Variants in FBXW11 observed in about 807,000 individuals in gnomAD.
The protein encoded by FBXW11 is F-box/WD repeat-containing protein 11.
In FBXW11, 19 loss-of-function variants were observed where a neutral mutation model predicts 77.6. The ratio of observed to expected loss-of-function variants is 0.24; its 90% CI spans 0.17 to 0.36. The LOEUF (loss-of-function observed/expected upper bound fraction) is 0.36. Among genes scored for constraint, FBXW11 ranks in the 10% least tolerant of loss-of-function variants. The pLI, the probability that FBXW11 is intolerant of heterozygous loss-of-function variation, is 1.00. For missense variants in FBXW11, 334 were observed against 704.2 expected, an observed-to-expected ratio of 0.47 and a Z score of 5.95; for synonymous variants, 235 against 249.4, an observed-to-expected ratio of 0.94 and a Z score of 0.54.
intron 4 of FBXW11, among the ~76,000 whole-genome samples, chr5:171,901,019 C>T (rs1226830145): frequency 1.3e-5 from 2 of 152,000 alleles, no homozygotes; most frequent in Admixed American, 6.5e-5. Context: ...TGTGTAGGGA[C>T]GAGAACACAG....
chr5:171,878,601 A>AGAGAGT (rs1758287222), intron 7 of FBXW11, among the ~76,000 whole-genome samples: 1 of 69,112 alleles, frequency 1.4e-5, no homozygotes, highest in Non-Finnish European at 3.6e-5. Context: ...TAAGAGAGAG[A>AGAGAGT]GAGTGTGTGT....
rs1387762867 is a variant in FBXW11 at position 171,869,283 on chromosome 5, A to G, written c.1530+446T>C. On this transcript the variant is annotated intron_variant, in intron 12 of 13. Coordinates refer to ENST00000517395, the MANE Select transcript of FBXW11 (RefSeq NM_001378974.1). The surrounding 1 kb of genome is among the most constrained non-coding windows in gnomAD (Gnocchi z 4.1). Reference sequence around the variant, plus strand: ...CAAGAAGTGAAGAAACAGAAATAAAACTACTAAAATCTTTTTTAAATCTAC... The same window carrying G: ...CAAGAAGTGAAGAAACAGAAATAAAGCTACTAAAATCTTTTTTAAATCTAC... 3.3e-5 allele frequency among the ~76,000 whole-genome samples: 5 copies of G among 152,182 alleles called. No individual in the cohort carries two copies. The highest frequency in any genetic ancestry group is 5.9e-5 in the Non-Finnish European group (4 of 68,036).
chr5:172,005,658 T>C (rs918493163), intron 1 of FBXW11, among the ~76,000 whole-genome samples: 1 of 152,018 alleles, frequency 6.6e-6, no homozygotes, highest in Non-Finnish European at 1.5e-5. Flanking sequence ...CCTCTTTTTT[T>C]TTTCTTTCTG....
chr5:171,978,569 A>G (rs1265959900), intron 1 of FBXW11, among the ~76,000 whole-genome samples: 2 of 152,202 alleles, frequency 1.3e-5, no homozygotes, highest in Non-Finnish European at 2.9e-5. Flanking sequence ...AACTGATCCT[A>G]AAGTGTCTCA....
rs764631697 is a variant in FBXW11, at chr5:171,868,835, T to TAC, written c.1531-41_1531-40dup. Reference sequence around the variant, plus strand: ...AACTTCATGAATAAAATGAGATCTTTACAGCCCCTGATATCTCACAATGAG... The same window carrying TAC: ...AACTTCATGAATAAAATGAGATCTTTACACAGCCCCTGATATCTCACAATGAG... On this transcript the variant is annotated intron_variant, in intron 12 of 13. Coordinates refer to ENST00000517395, the MANE Select transcript of FBXW11 (RefSeq NM_001378974.1). 1.9e-6 allele frequency: 3 copies of TAC among 1,577,052 alleles called. No individual in the cohort carries two copies. The South Asian group carries it at 3.5e-5, about 18-fold the overall frequency.
intron 1 of FBXW11, among the ~76,000 whole-genome samples, chr5:171,966,951 A>G (rs1764223684): frequency 6.6e-6 from 1 of 152,220 alleles, no homozygotes; most frequent in South Asian, 2.1e-4. Context: ...GACCACAGAC[A>G]TCAAATCACT....
intron 2 of FBXW11, among the ~76,000 whole-genome samples, chr5:171,920,416 TA>T (rs34512244): frequency 0.015 from 1,992 of 130,666 alleles, 40 homozygotes; most frequent in African/African-American, 0.05. Flanking sequence ...CACCGCTATT[TA>T]AAAAAAAAAA....
At chr5:171,935,058 A>G (rs893329775) in intron 2 of FBXW11, among the ~76,000 whole-genome samples, 1 of 152,042 alleles carries the variant, frequency 6.6e-6, no homozygotes, top group South Asian at 2.1e-4. Flanking sequence ...GGTTCATGCT[A>G]TTCTCCCGCC....
rs1489935740 is a variant in FBXW11 at position 171,862,017 on chromosome 5, C to G, written c.*2110G>C. 6.6e-6 allele frequency: 1 copy of G among 152,626 alleles called. No homozygotes were observed. The highest frequency in any genetic ancestry group is 1.5e-5 in the Non-Finnish European group (1 of 68,044). 9.5% of individuals were successfully genotyped at this position (152,626 alleles called of 1,614,324 possible). A position where few individuals can be genotyped will look rare whatever the true frequency, so the allele number is the denominator to read the frequency against. On this transcript the variant is annotated 3_prime_UTR_variant, in exon 14 of 14. Transcript: ENST00000517395. ...TTAGTAGGCACAATTCAAAGGTTGT[C>G]TGCATATTCAAAGGCCATCATCTCC... is the stretch of plus-strand genomic sequence containing the variant.
At chr5:171,987,434 GT>G (rs1187715500) in intron 1 of FBXW11, among the ~76,000 whole-genome samples, 16 of 151,998 alleles carry the variant, frequency 1.1e-4, no homozygotes, top group Non-Finnish European at 1.9e-4. Context: ...CAAAGGGTAA[GT>G]TTTTTTGGGT....
chr5:171,983,423 G>C (rs1176506069), intron 1 of FBXW11, among the ~76,000 whole-genome samples: 1 of 152,080 alleles, frequency 6.6e-6, no homozygotes, highest in African/African-American at 2.4e-5. Flanking sequence ...CCACAGTATG[G>C]GTAGCGGGAA....
intron 10 of FBXW11, 107 bp downstream of exon 10, chr5:171,872,765 T>C: frequency 1.3e-6 from 1 of 799,200 alleles, no homozygotes; most frequent in Non-Finnish European, 2.1e-6. Context: ...CTTTCTTATC[T>C]GAAACATCCC....
intron 1 of FBXW11, among the ~76,000 whole-genome samples, chr5:171,967,426 A>C (rs1764248496): frequency 6.6e-6 from 1 of 152,240 alleles, no homozygotes; most frequent in South Asian, 2.1e-4. Context: ...ACAGACACTA[A>C]AGGAAGTTTA....
chr5:171,930,152 G>T (rs761964119), intron 2 of FBXW11, among the ~76,000 whole-genome samples: 1 of 152,162 alleles, frequency 6.6e-6, no homozygotes, highest in African/African-American at 2.4e-5. Flanking sequence ...CTTAAAAAGC[G>T]TCCTGCTAGT....
chr5:171,978,425 T>C (rs1436219651), intron 1 of FBXW11, among the ~76,000 whole-genome samples: 2 of 151,988 alleles, frequency 1.3e-5, no homozygotes, highest in Non-Finnish European at 2.9e-5. Context: ...GGACGAGAAA[T>C]AGGGTTCAGT....
chr5:171,912,752 C>G (rs1252128565), intron 3 of FBXW11, among the ~76,000 whole-genome samples: 1 of 151,790 alleles, frequency 6.6e-6, no homozygotes, highest in Non-Finnish European at 1.5e-5. Flanking sequence ...ACTAAAAATA[C>G]AAAAAGAATT....
At chr5:171,906,901 T>C (rs1414928826) in intron 4 of FBXW11, among the ~76,000 whole-genome samples, 1 of 152,222 alleles carries the variant, frequency 6.6e-6, no homozygotes, top group East Asian at 1.9e-4. Flanking sequence ...TGGTCCATAA[T>C]GGCTTATCAT....
rs539063736 is a variant in FBXW11 at position 172,006,573 on chromosome 5, G to A, written c.-71C>T. 115 of 1,431,364 alleles carry A rather than the reference G, an allele frequency of 8.0e-5. 1 individual carries two copies. The South Asian group carries it at 1.6e-3, about 20-fold the overall frequency. The allele number at this position is 1,431,364 out of a possible 1,614,324, so 88.7% of individuals were successfully genotyped here. A position where few individuals can be genotyped will look rare whatever the true frequency, so the allele number is the denominator to read the frequency against. Reference sequence around the variant, plus strand: ...CGGCCCGGGCGGAGGAGGCGACGGCGGAGGCGGCAGAGGCGGAGGCGGCTA... The same window carrying A: ...CGGCCCGGGCGGAGGAGGCGACGGCAGAGGCGGCAGAGGCGGAGGCGGCTA... On this transcript the variant is annotated 5_prime_UTR_variant, in exon 1 of 14. Coordinates refer to ENST00000517395, the MANE Select transcript of FBXW11 (RefSeq NM_001378974.1).
chr5:171,969,986 T>G (rs924799540), intron 1 of FBXW11, among the ~76,000 whole-genome samples: 6 of 152,212 alleles, frequency 3.9e-5, no homozygotes, highest in African/African-American at 1.4e-4. Flanking sequence ...ATTACAGGAA[T>G]GAGCAACCAC....
Sources: gnomAD v4.1 joint callset for allele counts (sites outside exome capture counted in the v4.1 genomes callset) on GRCh38, gnomAD v4.1.1 for gene constraint, Gnocchi (gnomAD v3.1) non-coding constraint, MANE v1.5 for transcripts, NCBI Gene and HGNC (gene_info 2026-07-23, HGNC 2026-07-21) for gene names.